Variants in LILRB4 observed in about 807,000 individuals in gnomAD.
LILRB4 encodes leukocyte immunoglobulin-like receptor subfamily B member 4.
A neutral mutation model predicts 55.2 loss-of-function variants in LILRB4; 49 were observed. The observed-to-expected ratio is 0.89, with a 90% confidence interval of 0.71 to 1.13. LILRB4 has a LOEUF of 1.13. Ranked by LOEUF, LILRB4 falls within the 50% of genes most tolerant of loss-of-function variation. LILRB4 has a pLI of 0.00. For missense variants in LILRB4, 590 were observed against 555.2 expected (o/e 1.06, Z -0.63); for synonymous variants, 229 against 213.8 (o/e 1.07, Z -0.62).
intron 10 of LILRB4, chr19:54,667,156 G>C: frequency 1.8e-6 from 1 of 570,726 alleles, no homozygotes; most frequent in Non-Finnish European, 3.4e-6. Flanking sequence ...CGCCTCCTGA[G>C]CTCACCTCGT....
At chr19:54,663,443 C>CAAAAAAAACAAAAAAAAAAAAAA (rs2065103503) in intron 1 of LILRB4, 89 bp from the exon 2 acceptor site, 1 of 680,228 alleles carries the variant, frequency 1.5e-6, no homozygotes, top group African/African-American at 4.0e-5. Flanking sequence ...GACTCCGTCT[C>CAAAAAAAACAAAAAAAAAAAAAA]AAAAAAAAAA....
exon 12 of LILRB4, chr19:54,668,269 A>C: frequency 2.0e-6 from 1 of 492,494 alleles, no homozygotes; most frequent in Non-Finnish European, 3.6e-6. Context: ...AAGTCAGACA[A>C]TGTTTTAAAT....
intron 4 of LILRB4, 144 bp downstream of exon 4, chr19:54,664,629 C>T: frequency 5.7e-6 from 6 of 1,052,088 alleles, no homozygotes; most frequent in Non-Finnish European, 6.9e-6. Context: ...AACAGGGGCC[C>T]TCCCAGGCAT....
Position 54,665,538 on chromosome 19 carries a change from C to T in LILRB4, c.758-277C>T, listed in dbSNP as rs2065226484. 6.6e-6 allele frequency among the ~76,000 whole-genome samples: 1 copy of T among 152,100 alleles called. No individual in the cohort carries two copies. Among genetic ancestry groups the T allele is most frequent in the South Asian group, 2.1e-4 (1 of 4,822 alleles). On this transcript the variant is annotated intron_variant, in intron 6 of 11. Coordinates refer to ENST00000430952, the Ensembl canonical transcript of LILRB4. This position sits in a 1 kb window ranked among gnomAD's most constrained non-coding sequence, Gnocchi z 5.5. The stretch of plus-strand genomic sequence containing the variant: ...TTCCCTGCAACTCTGGGGCTTGGCT[C>T]TGGTGCAGGAACAAGGGCTGCAGCT...
chr19:54,664,969 G>A (rs1399089461), intron 5 of LILRB4, 120 bp downstream of exon 5: 6 of 1,353,900 alleles, frequency 4.4e-6, no homozygotes, highest in Non-Finnish European at 6.3e-6. Flanking sequence ...ACGGGTGTGG[G>A]AGTCGGGCAG....
At position 54,665,448 on chromosome 19, in the gene LILRB4, C is replaced by T. The variant is rs537493286; in HGVS notation, c.757+268C>T. 6.6e-6 allele frequency among the ~76,000 whole-genome samples: 1 copy of T among 152,046 alleles called. No homozygotes were observed. The highest frequency in any genetic ancestry group is 2.1e-4 in the South Asian group (1 of 4,808). On this transcript the variant is annotated intron_variant, in intron 6 of 11. Transcript: ENST00000430952. This position sits in a 1 kb window ranked among gnomAD's most constrained non-coding sequence, Gnocchi z 5.5. ...GCAGGGGCCTGTCCGGTCCCACCTGCAGCAGAGACGGTGACCTGGGGCAGG... is the reference window on the plus strand; with the variant it reads ...GCAGGGGCCTGTCCGGTCCCACCTGTAGCAGAGACGGTGACCTGGGGCAGG...
At position 54,665,962 on chromosome 19, in the gene LILRB4, G is replaced by A. The variant is rs1299828166; in HGVS notation, c.874+31G>A. On this transcript the variant is annotated intron_variant, in intron 7 of 11. Transcript: ENST00000430952. The surrounding 1 kb of genome is among the most constrained non-coding windows in gnomAD (Gnocchi z 5.5). The stretch of plus-strand genomic sequence containing the variant: ...TAGGAAATTGGGGGACCCGTGGGCT[G>A]ATGGAGGGTGGGCTCAGGGCACCAG... 9 of 1,613,556 alleles carry A rather than the reference G, an allele frequency of 5.6e-6. No homozygotes were observed. The highest frequency in any genetic ancestry group is 7.6e-6 in the Non-Finnish European group (9 of 1,179,762).
At chr19:54,664,777 C>G (rs1172423310) in intron 4 of LILRB4, 22 bp from the exon 5 acceptor site, 1 of 1,548,072 alleles carries the variant, frequency 6.5e-7, no homozygotes, top group Non-Finnish European at 8.7e-7. Context: ...GACTCTCACC[C>G]TCCTCTTGTC....
chr19:54,663,031 G>A (rs367547911), exon 1 of LILRB4: 43 of 1,613,760 alleles, frequency 2.7e-5, no homozygotes, highest in Middle Eastern at 1.6e-4. Flanking sequence ...GGGAGGAGAC[G>A]CCATGATCCC....
chr19:54,667,873 G>C lies in LILRB4; in HGVS notation c.1198G>C (p.Ala400Pro), dbSNP rs112611821. ...TCCCTCTCACTCTCCCCCGCTGCAGGCTGCTGCATCTGAAGCCCCCCAGGA... is the reference window on the plus strand; with the variant it reads ...TCCCTCTCACTCTCCCCCGCTGCAGCCTGCTGCATCTGAAGCCCCCCAGGA... The change falls in exon 12 of 12, where the codon GCT becomes CCT. Residue 400 changes from alanine (A) to proline (P), a missense_variant and splice_region_variant. Physicochemically the swap from Ala to Pro is conservative, Grantham distance 27 (BLOSUM62 -1). Coordinates refer to ENST00000430952, the Ensembl canonical transcript of LILRB4. 5,221 of 1,608,324 alleles carry C rather than the reference G, an allele frequency of 3.2e-3. 108 individuals carry two copies. The African/African-American group carries it at 0.063, about 19-fold the overall frequency.
intron 10 of LILRB4, chr19:54,667,125 A>C: frequency 1.7e-6 from 1 of 591,068 alleles, no homozygotes. Context: ...CTGCAGACAC[A>C]GCAGGGAGCA....
In LILRB4 at chr19:54,666,486, A is replaced by T; in HGVS notation, c.988+50A>T. ...ACCTGGGGTGGAGCTGGGGGTCCCA[A>T]AATTTCAATAGCAATGGGGGCAGGA... is the stretch of plus-strand genomic sequence containing the variant. On this transcript the variant is annotated intron_variant, in intron 9 of 11. Transcript: ENST00000430952. The surrounding 1 kb of genome is among the most constrained non-coding windows in gnomAD (Gnocchi z 4.8). The T allele has an allele frequency of 5.0e-6, 8 of 1,599,510 alleles. No homozygotes were observed. The highest frequency in any genetic ancestry group is 6.8e-6 in the Non-Finnish European group (8 of 1,168,832).
Position 54,663,196 on chromosome 19 carries a change from C to T in LILRB4, c.34+129C>T, listed in dbSNP as rs552934582. ...GCGCGGTGGCTCACGCCTGTAATCC[C>T]AGCACTTTGGGAGGCCGAGGCGGGC... On this transcript the variant is annotated intron_variant, in intron 1 of 11. Coordinates refer to ENST00000430952, the Ensembl canonical transcript of LILRB4. 2.1e-4 allele frequency: 236 copies of T among 1,101,552 alleles called. 2 individuals carry two copies. The South Asian group carries it at 3.6e-3, about 17-fold the overall frequency. The allele number at this position is 1,101,552 out of a possible 1,614,324, so 68.2% of individuals were successfully genotyped here.
exon 12 of LILRB4, chr19:54,668,070 G>T (rs1326764242): frequency 6.2e-7 from 1 of 1,607,690 alleles, no homozygotes; most frequent in Admixed American, 1.7e-5. Flanking sequence ...GACCCCAGAA[G>T]GCATGGAAGC....
chr19:54,668,000 C>T, exon 12 of LILRB4: 1 of 1,614,136 alleles, frequency 6.2e-7, no homozygotes, highest in Non-Finnish European at 8.5e-7. Context: ...AGTGTCTATG[C>T]CACTCTGGCC....
rs1439529136 is a variant in LILRB4 at position 54,666,703 on chromosome 19, C to T, written c.995C>T (p.Ala332Val). Residue 332 changes from alanine to valine, a missense_variant, in exon 10 of 12, where the codon GCC becomes GTC. Transcript: ENST00000430952. This position sits in a 1 kb window ranked among gnomAD's most constrained non-coding sequence, Gnocchi z 4.8. ...CCTTGCTCTACCCCAGCAGGTGCTG[C>T]CGTGAAGAACACACAGCCTGAGGAC... 1 of 1,614,150 alleles carries T rather than the reference C, an allele frequency of 6.2e-7. No individual in the cohort carries two copies. The highest frequency in any genetic ancestry group is 8.5e-7 in the Non-Finnish European group (1 of 1,179,988).
In LILRB4 at chr19:54,666,527, G is replaced by A; in HGVS notation, c.988+91G>A. ...GGGGGCAGGAGCACAGGCTAGGATT[G>A]GTCAGGGACTCAGGGAGAAGTGGTC... On this transcript the variant is annotated intron_variant, in intron 9 of 11. Transcript: ENST00000430952. This position sits in a 1 kb window ranked among gnomAD's most constrained non-coding sequence, Gnocchi z 4.8. 6.6e-7 allele frequency: 1 copy of A among 1,519,896 alleles called. No individual in the cohort carries two copies. The highest frequency in any genetic ancestry group is 9.1e-7 in the Non-Finnish European group (1 of 1,104,430). The allele number at this position is 1,519,896 out of a possible 1,614,324, so 94.2% of individuals were successfully genotyped here.
Position 54,666,916 on chromosome 19 carries a change from C to T in LILRB4, c.1041+167C>T, listed in dbSNP as rs2065297594. ...CTGGGACCTCACTCTCTCCTGCTGT[C>T]CTGGGACCTCATGGGCCTCCTCCCG... On this transcript the variant is annotated intron_variant, in intron 10 of 11. Transcript: ENST00000430952. The surrounding 1 kb of genome is among the most constrained non-coding windows in gnomAD (Gnocchi z 4.8). 1 of 796,458 alleles carries T rather than the reference C, an allele frequency of 1.3e-6. No individual in the cohort carries two copies. Among genetic ancestry groups the T allele is most frequent in the South Asian group, 1.4e-5 (1 of 73,282 alleles). 49.3% of individuals were successfully genotyped at this position (796,458 alleles called of 1,614,324 possible).
intron 1 of LILRB4, among the ~76,000 whole-genome samples, 169 bp from the exon 2 acceptor site, chr19:54,663,363 G>A (rs1003465381): frequency 7.4e-5 from 11 of 148,496 alleles, no homozygotes; most frequent in African/African-American, 2.2e-4. Context: ...GGAGAATGGC[G>A]TGAACCCGGG....
Sources: gnomAD v4.1 joint callset for allele counts (sites outside exome capture counted in the v4.1 genomes callset) on GRCh38, gnomAD v4.1.1 for gene constraint, Gnocchi (gnomAD v3.1) non-coding constraint, MANE v1.5 for transcripts, NCBI Gene and HGNC (gene_info 2026-07-23, HGNC 2026-07-21) for gene names.